COL10A1: variants seen among roughly 807,000 people sequenced by gnomAD.
The protein encoded by COL10A1 is collagen alpha-1(X) chain.
A neutral mutation model predicts 18.2 loss-of-function variants in COL10A1; 10 were observed. The observed-to-expected ratio is 0.55, with a 90% CI of 0.34 to 0.93. COL10A1 has a LOEUF of 0.93. Ranked by LOEUF, COL10A1 falls within the 40% of genes least tolerant of loss-of-function variation. The pLI is 0.02. For synonymous variants in COL10A1, 330 were observed against 316.6 expected (o/e 1.04, Z -0.45); for missense variants, 897 against 853.5 (o/e 1.05, Z -0.64).
chr6:116,169,624 C>A, the COL10A1 span, among the ~76,000 whole-genome samples: 5 of 151,944 alleles, frequency 3.3e-5, no homozygotes, highest in African/African-American at 7.2e-5. Context: ...CCTGTAGTAC[C>A]TGCTATCTGC....
At chr6:116,194,021 T>C in the COL10A1 span, among the ~76,000 whole-genome samples, 1 of 151,956 alleles carries the variant, frequency 6.6e-6, no homozygotes, top group Admixed American at 6.6e-5. Context: ...TACTCCAGCC[T>C]GGGCAACAGA....
the COL10A1 span, among the ~76,000 whole-genome samples, chr6:116,166,031 C>T: frequency 2.0e-5 from 3 of 152,176 alleles, no homozygotes; most frequent in Non-Finnish European, 4.4e-5. Flanking sequence ...GCACTGACAG[C>T]ATTGCCTGGG....
chr6:116,140,451 G>A (rs57296292), intron 1 of COL10A1, among the ~76,000 whole-genome samples: 24,273 of 152,036 alleles, frequency 0.16, 2,113 homozygotes, highest in East Asian at 0.26. Context: ...GGAAAACTTG[G>A]ATATGTGTAT....
At chr6:116,143,581 A>T (rs1189232290) in intron 1 of COL10A1, among the ~76,000 whole-genome samples, 1 of 152,112 alleles carries the variant, frequency 6.6e-6, no homozygotes, top group Non-Finnish European at 1.5e-5. Context: ...TTTTAATCCT[A>T]TGAAAATTTC....
rs756521947 is a variant in COL10A1, at chr6:116,120,334, T to C, written c.1782A>G (p.Pro594=). The C allele has an allele frequency of 6.2e-7, 1 of 1,614,252 alleles. No individual in the cohort carries two copies. Among genetic ancestry groups the C allele is most frequent in the Non-Finnish European group, 8.5e-7 (1 of 1,180,040 alleles). ...CGTGGTATGAAAAATAGTATATTCC[T>C]GGTATCTGACAAGTAAAGATTCCAG... ...PRTGIFTCQI[P]GIYYFSYHVH... Residue 594 remains proline, a synonymous_variant, in exon 3 of 3, where the codon CCA becomes CCG. Coordinates refer to ENST00000651968, the MANE Select transcript of COL10A1 (RefSeq NM_000493.4).
intron 1 of COL10A1, among the ~76,000 whole-genome samples, chr6:116,151,246 T>G (rs190121384): frequency 6.6e-6 from 1 of 152,184 alleles, no homozygotes; most frequent in African/African-American, 2.4e-5. Context: ...TTTTAAAGAC[T>G]CTGAGATCAG....
chr6:116,144,262 G>A (rs547120670), intron 1 of COL10A1, among the ~76,000 whole-genome samples: 1 of 152,268 alleles, frequency 6.6e-6, no homozygotes, highest in South Asian at 2.1e-4. Flanking sequence ...CAGCACTTTG[G>A]GAGGCCGAGG....
At chr6:116,188,936 G>A in the COL10A1 span, among the ~76,000 whole-genome samples, 1 of 151,894 alleles carries the variant, frequency 6.6e-6, no homozygotes, top group Non-Finnish European at 1.5e-5. Flanking sequence ...GCAGAGTGGA[G>A]TTTAATTTAT....
At chr6:116,206,028 T>C in the COL10A1 span, among the ~76,000 whole-genome samples, 17 of 152,116 alleles carry the variant, frequency 1.1e-4, no homozygotes, top group Non-Finnish European at 2.4e-4. Context: ...TCTAGCCCAG[T>C]GTTTTTTCCT....
At chr6:116,216,540 T>C in the COL10A1 span, among the ~76,000 whole-genome samples, 4 of 151,966 alleles carry the variant, frequency 2.6e-5, no homozygotes, top group Non-Finnish European at 4.4e-5. Context: ...TTTTCTCTCA[T>C]ATTCTGTACT....
the COL10A1 span, among the ~76,000 whole-genome samples, chr6:116,165,062 G>A: frequency 7.6e-4 from 104 of 136,130 alleles, no homozygotes; most frequent in African/African-American, 2.7e-3. Flanking sequence ...GCACCACTGC[G>A]CTTCAGTCTA....
At chr6:116,123,978 A>G (rs1255598670) in intron 2 of COL10A1, among the ~76,000 whole-genome samples, 1 of 152,180 alleles carries the variant, frequency 6.6e-6, no homozygotes, top group Non-Finnish European at 1.5e-5. Flanking sequence ...GCTGTTTGTC[A>G]TAGCATTTCA....
the COL10A1 span, among the ~76,000 whole-genome samples, chr6:116,208,108 C>T: frequency 6.6e-6 from 1 of 151,908 alleles, no homozygotes; most frequent in Non-Finnish European, 1.5e-5. Context: ...TAGTTAATGA[C>T]CCCTAATATC....
At chr6:116,191,360 T>C in the COL10A1 span, among the ~76,000 whole-genome samples, 1 of 151,922 alleles carries the variant, frequency 6.6e-6, no homozygotes, top group African/African-American at 2.4e-5. Context: ...GAAACCCTAC[T>C]GTACTTACTG....
rs75859933 is a variant in COL10A1, at chr6:116,150,247, C to G, written c.-16+8367G>C. 4.9e-3 allele frequency among the ~76,000 whole-genome samples: 739 copies of G among 152,086 alleles called. 12 individuals carry two copies. The highest frequency in any genetic ancestry group is 0.043 in the South Asian group (207 of 4,814). On this transcript the variant is annotated intron_variant, in intron 1 of 1. Transcript: ENST00000418500. ...TGCTGAGGGAGCCCATGGCCACTGA[C>G]AGATCAGTTAAGAAAATGGTTTTTT...
chr6:116,163,906 G>T, the COL10A1 span, among the ~76,000 whole-genome samples: 5 of 152,134 alleles, frequency 3.3e-5, no homozygotes, highest in East Asian at 9.6e-4. Flanking sequence ...ATGTGGTTTT[G>T]AGAGTTCCTT....
At chr6:116,145,365 C>A (rs1779872582) in intron 1 of COL10A1, 1 of 286,866 alleles carries the variant, frequency 3.5e-6, no homozygotes, top group Admixed American at 3.3e-5. Context: ...AAAAAATCAA[C>A]ATTAAATTGA....
In COL10A1 at chr6:116,121,996, G is replaced by A. The variant is rs769586044; in HGVS notation, c.155-35C>T. ...ACACCCAACACACCCACCCATAGAA[G>A]GGGATGGTTAGTGACATTAAAGAGA... is the stretch of plus-strand genomic sequence containing the variant. On this transcript the variant is annotated intron_variant, in intron 2 of 2. Transcript: ENST00000651968. The A allele has an allele frequency of 5.7e-6, 9 of 1,570,184 alleles. 1 individual carries two copies. In the Admixed American group the frequency reaches 1.5e-4, roughly 26 times the overall value.
the COL10A1 span, among the ~76,000 whole-genome samples, chr6:116,199,148 C>A: frequency 6.6e-6 from 1 of 151,954 alleles, no homozygotes; most frequent in Non-Finnish European, 1.5e-5. Context: ...CAGTCAAAAG[C>A]CGTAATGTAT....
Sources: allele counts gnomAD v4.1 joint callset (sites outside exome capture counted in the v4.1 genomes callset), GRCh38; gene constraint gnomAD v4.1.1; transcripts MANE v1.5; gene names NCBI Gene and HGNC (gene_info 2026-07-23, HGNC 2026-07-21).